DIAPH2: variants seen among roughly 807,000 people sequenced by gnomAD.
DIAPH2 encodes protein diaphanous homolog 2.
DIAPH2 carries 35 observed loss-of-function variants against 92.7 expected under a neutral mutation model. The ratio of observed to expected loss-of-function variants is 0.38; its 90% confidence interval spans 0.29 to 0.50. The LOEUF (loss-of-function observed/expected upper bound fraction) is 0.50, where lower values mean the gene tolerates loss of function less well. Ranked by LOEUF, DIAPH2 falls within the 20% of genes least tolerant of loss-of-function variation. DIAPH2 has a pLI of 0.94. For synonymous variants in DIAPH2, 301 were observed against 280.4 expected, an observed-to-expected ratio of 1.07 and a Z score of -0.73; for missense variants, 701 against 819.5, an observed-to-expected ratio of 0.86 and a Z score of 1.77.
chrX:97,253,220 G>A (rs1471574034), intron 23 of DIAPH2, among the ~76,000 whole-genome samples: 2 of 106,500 alleles, frequency 1.9e-5, no homozygotes, highest in Non-Finnish European at 3.9e-5. Flanking sequence ...CCTGGCAGGC[G>A]GAGGTTGCAA....
chrX:97,142,615 A>T (rs764012558), intron 22 of DIAPH2, among the ~76,000 whole-genome samples: 1 of 111,865 alleles, frequency 8.9e-6, no homozygotes, highest in Admixed American at 9.5e-5. Flanking sequence ...CTGAGATTTT[A>T]ATTCAGGGTA....
rs2067575034 is a variant in DIAPH2 at position 97,185,331 on chromosome X, A to ATATATATATGTATATATATATG, written c.2719+43539_2719+43560dup. Among the ~76,000 whole-genome samples the ATATATATATGTATATATATATG allele has an allele frequency of 6.7e-5, 3 of 44,800 alleles. 1 individual carries two copies. Among genetic ancestry groups the ATATATATATGTATATATATATG allele is most frequent in the African/African-American group, 3.5e-4 (3 of 8,532 alleles). 38.9% of individuals were successfully genotyped at this position (44,800 alleles called of 115,157 possible). On this transcript the variant is annotated intron_variant, in intron 22 of 26. Coordinates refer to ENST00000324765, the MANE Select transcript of DIAPH2 (RefSeq NM_006729.5). The stretch of plus-strand genomic sequence containing the variant: ...AATATATATATATATATATGTGTAT[A>ATATATATATGTATATATATATG]TATATATATGTATATATATATGTGT...
At chrX:97,025,686 CA>C (rs926927909) in intron 17 of DIAPH2, among the ~76,000 whole-genome samples, 6 of 109,181 alleles carry the variant, frequency 5.5e-5, no homozygotes, top group East Asian at 5.7e-4. Flanking sequence ...AACAAAAAAA[CA>C]AAAAAAAAGT....
chrX:97,441,090 G>A (rs1569398279), intron 26 of DIAPH2, among the ~76,000 whole-genome samples: 2 of 111,840 alleles, frequency 1.8e-5, no homozygotes, highest in African/African-American at 3.3e-5. Flanking sequence ...AAGAGTTTCA[G>A]GAGAATCTGT....
intron 1 of DIAPH2, among the ~76,000 whole-genome samples, chrX:96,696,620 A>G (rs373281293): frequency 4.5e-5 from 5 of 111,883 alleles, no homozygotes; most frequent in African/African-American, 1.6e-4. Context: ...TTAACTATGA[A>G]TTGTACGGAA....
At chrX:97,482,214 A>G (rs1486365369) in intron 26 of DIAPH2, among the ~76,000 whole-genome samples, 2 of 112,327 alleles carry the variant, frequency 1.8e-5, no homozygotes, top group Non-Finnish European at 3.8e-5. Flanking sequence ...GGCATTCTCA[A>G]TCTTTTTAAA....
chrX:97,241,849 C>T (rs1331110330), intron 22 of DIAPH2, among the ~76,000 whole-genome samples: 2 of 98,587 alleles, frequency 2.0e-5, no homozygotes, highest in Non-Finnish European at 4.0e-5. Context: ...GATCTAGGCT[C>T]ACTGCAACCT....
intron 3 of DIAPH2, among the ~76,000 whole-genome samples, chrX:96,750,119 G>A (rs191903149): frequency 1.3e-3 from 127 of 94,644 alleles, no homozygotes; most frequent in African/African-American, 4.8e-3. Flanking sequence ...GTGCAGCTGC[G>A]CGATCTCTGC....
intron 26 of DIAPH2, among the ~76,000 whole-genome samples, chrX:97,499,734 T>C (rs1431434256): frequency 1.8e-5 from 2 of 112,403 alleles, no homozygotes; most frequent in African/African-American, 6.5e-5. Flanking sequence ...AAAGAAAATA[T>C]GGTATATGTA....
At chrX:97,094,227 A>G (rs750313068) in intron 19 of DIAPH2, among the ~76,000 whole-genome samples, 1 of 111,644 alleles carries the variant, frequency 9.0e-6, no homozygotes, top group Non-Finnish European at 1.9e-5. Flanking sequence ...GGAGACGTTC[A>G]TTTGGCATTA....
chrX:97,186,431 C>T (rs779797062), intron 22 of DIAPH2, among the ~76,000 whole-genome samples: 43 of 111,575 alleles, frequency 3.9e-4, no homozygotes, highest in Non-Finnish European at 6.6e-4. Flanking sequence ...TGTTCCTTTC[C>T]CACAATGGTA....
At chrX:97,497,750 G>A (rs193063574) in intron 26 of DIAPH2, among the ~76,000 whole-genome samples, 23 of 110,601 alleles carry the variant, frequency 2.1e-4, no homozygotes, top group Admixed American at 1.9e-3. Context: ...AGGTTGCAGT[G>A]AGCCAATATC....
intron 18 of DIAPH2, among the ~76,000 whole-genome samples, chrX:97,073,817 G>C (rs1168395888): frequency 8.9e-6 from 1 of 112,496 alleles, no homozygotes; most frequent in Non-Finnish European, 1.9e-5. Flanking sequence ...TCTCATGTCA[G>C]TAGAAATGTT....
At chrX:97,022,662 A>AT (rs2066306151) in intron 17 of DIAPH2, among the ~76,000 whole-genome samples, 1 of 112,304 alleles carries the variant, frequency 8.9e-6, no homozygotes, top group African/African-American at 3.2e-5. Flanking sequence ...TCAAAAAATT[A>AT]TTGTCATCTG....
intron 20 of DIAPH2, among the ~76,000 whole-genome samples, chrX:97,103,711 G>A (rs1293500154): frequency 9.0e-6 from 1 of 111,606 alleles, no homozygotes; most frequent in Non-Finnish European, 1.9e-5. Context: ...TATCTGTATT[G>A]CATCATAATT....
chrX:97,516,050 G>A (rs1412869667), intron 26 of DIAPH2, among the ~76,000 whole-genome samples: 5 of 110,424 alleles, frequency 4.5e-5, no homozygotes, highest in Non-Finnish European at 5.7e-5. Flanking sequence ...TCAGGAGTTC[G>A]AGATCAGCCT....
At chrX:97,153,060 C>T (rs981774427) in intron 22 of DIAPH2, among the ~76,000 whole-genome samples, 9 of 111,855 alleles carry the variant, frequency 8.0e-5, no homozygotes, top group African/African-American at 2.9e-4. Context: ...TATAACCTCT[C>T]AGTGCCTATT....
At chrX:97,455,424 C>T (rs963841188) in intron 26 of DIAPH2, among the ~76,000 whole-genome samples, 5 of 111,839 alleles carry the variant, frequency 4.5e-5, no homozygotes, top group Admixed American at 1.9e-4. Flanking sequence ...ATGTTTCTAC[C>T]GTTTGATGTT....
At position 97,196,310 on chromosome X, in the gene DIAPH2, T is replaced by A. The variant is rs561452347; in HGVS notation, c.2720-51405T>A. On this transcript the variant is annotated intron_variant, in intron 22 of 26. Coordinates refer to ENST00000324765, the MANE Select transcript of DIAPH2 (RefSeq NM_006729.5). Reference sequence around the variant, plus strand: ...AGAGAAAGAACAATAAAAAGGGATTTTTGGTATTATATCTTACCTTTGCTC... The same window carrying A: ...AGAGAAAGAACAATAAAAAGGGATTATTGGTATTATATCTTACCTTTGCTC... 5.4e-5 allele frequency among the ~76,000 whole-genome samples: 6 copies of A among 111,700 alleles called. No homozygotes were observed. The South Asian group carries it at 1.1e-3, about 21-fold the overall frequency.
Sources: allele counts gnomAD v4.1 joint callset (sites outside exome capture counted in the v4.1 genomes callset), GRCh38; gene constraint gnomAD v4.1.1; transcripts MANE v1.5; gene names NCBI Gene and HGNC (gene_info 2026-07-23, HGNC 2026-07-21).